The following NOL4 variants were observed in gnomAD, a reference collection of about 807,000 sequenced individuals.
NOL4 encodes cancer/testis antigen 125.
A neutral mutation model predicts 75.9 loss-of-function variants in NOL4; 17 were observed. The observed-to-expected ratio is 0.22, with a 90% CI of 0.15 to 0.34. The LOEUF (loss-of-function observed/expected upper bound fraction) is 0.34, where lower values mean the gene tolerates loss of function less well. Among genes scored for constraint, NOL4 ranks in the 10% least tolerant of loss-of-function variants. The pLI is 1.00. For missense variants in NOL4, 614 were observed against 793.5 expected (o/e 0.77, Z 2.72); for synonymous variants, 292 against 289.9 (o/e 1.01, Z -0.07).
rs566113487 is a variant in NOL4, at chr18:34,020,055, C to T, written c.773-454G>A. Among the ~76,000 whole-genome samples the T allele has an allele frequency of 2.6e-5, 4 of 152,160 alleles. No individual in the cohort carries two copies. In the South Asian group the frequency reaches 6.2e-4, roughly 24 times the overall value. Reference sequence around the variant, plus strand: ...CTACATCTTCCACCATGATTATAAGCTTCCAGAAGCCCTCACCAGGAGTAG... The same window carrying T: ...CTACATCTTCCACCATGATTATAAGTTTCCAGAAGCCCTCACCAGGAGTAG... On this transcript the variant is annotated intron_variant, in intron 5 of 10. Coordinates refer to ENST00000261592, the MANE Select transcript of NOL4 (RefSeq NM_003787.5).
At chr18:34,206,319 T>C (rs2036119768) in intron 1 of NOL4, among the ~76,000 whole-genome samples, 2 of 152,276 alleles carry the variant, frequency 1.3e-5, no homozygotes, top group South Asian at 2.1e-4. Context: ...AAATAATGTA[T>C]AGAATAAGAG....
At chr18:33,987,376 G>A (rs962456038) in intron 6 of NOL4, among the ~76,000 whole-genome samples, 8 of 152,052 alleles carry the variant, frequency 5.3e-5, no homozygotes, top group Non-Finnish European at 1.0e-4. Flanking sequence ...TGACTGGAAA[G>A]CATTCACTAA....
At chr18:33,970,531 C>G (rs1189922552) in intron 6 of NOL4, among the ~76,000 whole-genome samples, 1 of 152,004 alleles carries the variant, frequency 6.6e-6, no homozygotes, top group Non-Finnish European at 1.5e-5. Flanking sequence ...AAGAAATACA[C>G]AAAATTATTA....
rs557104907 is a variant in NOL4, at chr18:33,853,453, T to A, written c.1724-418A>T. ...TCTTAGACCGCATCAATTTGCAATT[T>A]AAAAAAACTGTGATGCTAATGACTT... On this transcript the variant is annotated intron_variant, in intron 10 of 10. Transcript: ENST00000261592. Among the ~76,000 whole-genome samples, 48 of 152,206 alleles carry A rather than the reference T, an allele frequency of 3.2e-4. 2 individuals are homozygous for A. Among genetic ancestry groups the A allele is most frequent in the African/African-American group, 1.2e-3 (48 of 41,536 alleles).
intron 5 of NOL4, among the ~76,000 whole-genome samples, chr18:34,089,447 A>G (rs2078402099): frequency 6.6e-6 from 1 of 152,198 alleles, no homozygotes; most frequent in South Asian, 2.1e-4. Flanking sequence ...AAATAAAATA[A>G]TGATCTATAT....
chr18:34,157,324 T>C (rs1236232317), intron 1 of NOL4: 1 of 152,152 alleles, frequency 6.6e-6, no homozygotes, highest in African/African-American at 2.4e-5. Flanking sequence ...TATACCTCAA[T>C]AAATGGCCCT....
chr18:33,948,006 A>G (rs1050388259), intron 8 of NOL4, among the ~76,000 whole-genome samples: 1 of 151,950 alleles, frequency 6.6e-6, no homozygotes, highest in Non-Finnish European at 1.5e-5. Context: ...AAAACTATAC[A>G]TGAAATAACT....
At position 34,222,100 on chromosome 18, in the gene NOL4, A is replaced by C. The variant is rs747495227; in HGVS notation, c.264+890T>G. On this transcript the variant is annotated intron_variant, in intron 1 of 10. Coordinates refer to ENST00000261592, the MANE Select transcript of NOL4 (RefSeq NM_003787.5). ...CACAGTTCCCATCTTCTTGTGAAGA[A>C]AATCGACGCTGCTGCGGCTCCCCAG... The C allele has an allele frequency of 8.5e-6, 13 of 1,534,726 alleles. No homozygotes were observed. The South Asian group carries it at 1.6e-4, about 18-fold the overall frequency.
chr18:34,006,617 T>G (rs900108231), intron 6 of NOL4, among the ~76,000 whole-genome samples: 1 of 152,022 alleles, frequency 6.6e-6, no homozygotes. Flanking sequence ...AAAGCTACCA[T>G]CCATGAACCT....
At chr18:34,210,708 C>T (rs1247862504) in intron 1 of NOL4, among the ~76,000 whole-genome samples, 1 of 152,126 alleles carries the variant, frequency 6.6e-6, no homozygotes, top group Non-Finnish European at 1.5e-5. Context: ...GTGTTATAGC[C>T]ATTCTGTCAC....
chr18:34,198,624 T>A lies in NOL4; in HGVS notation c.264+24366A>T, dbSNP rs147656310. On this transcript the variant is annotated intron_variant, in intron 1 of 10. Coordinates refer to ENST00000261592, the MANE Select transcript of NOL4 (RefSeq NM_003787.5). ...ATGCAACTTTAAAAAAAATTGCATA[T>A]TCTTGGGAACAATGTGGATGCTGTC... Among the ~76,000 whole-genome samples the A allele has an allele frequency of 4.3e-3, 659 of 151,972 alleles. 3 individuals carry two copies. Among genetic ancestry groups the A allele is most frequent in the African/African-American group, 0.015 (622 of 41,546 alleles).
intron 2 of NOL4, among the ~76,000 whole-genome samples, chr18:34,116,355 G>C (rs2079857854): frequency 6.6e-6 from 1 of 152,052 alleles, no homozygotes; most frequent in South Asian, 2.1e-4. Flanking sequence ...AAATATACTT[G>C]TCTACTTGCC....
intron 5 of NOL4, among the ~76,000 whole-genome samples, chr18:34,021,233 G>A (rs1158206335): frequency 1.3e-5 from 2 of 152,154 alleles, no homozygotes; most frequent in African/African-American, 4.8e-5. Context: ...AGAGCAAGAA[G>A]GCTGTGATCT....
intron 1 of NOL4, among the ~76,000 whole-genome samples, chr18:34,209,841 G>C (rs1020527137): frequency 6.6e-6 from 1 of 152,150 alleles, no homozygotes; most frequent in Non-Finnish European, 1.5e-5. Flanking sequence ...ATAATGGCAA[G>C]TATTTAAGGG....
intron 5 of NOL4, among the ~76,000 whole-genome samples, chr18:34,034,014 A>G (rs540710868): frequency 6.6e-6 from 1 of 152,336 alleles, no homozygotes; most frequent in East Asian, 1.9e-4. Context: ...ATTCATTAGC[A>G]CTAGACTCTC....
At chr18:34,213,365 C>T (rs2036644629) in intron 1 of NOL4, among the ~76,000 whole-genome samples, 1 of 152,200 alleles carries the variant, frequency 6.6e-6, no homozygotes, top group South Asian at 2.1e-4. Flanking sequence ...TCTTGGCTCA[C>T]TGCAACCTCC....
At chr18:33,967,098 A>G (rs902491044) in intron 6 of NOL4, among the ~76,000 whole-genome samples, 6 of 152,218 alleles carry the variant, frequency 3.9e-5, no homozygotes, top group Non-Finnish European at 5.9e-5. Context: ...TACGATAACG[A>G]AAACAGGATG....
intron 5 of NOL4, among the ~76,000 whole-genome samples, chr18:34,081,616 CAT>C (rs1404674503): frequency 6.6e-6 from 1 of 152,120 alleles, no homozygotes; most frequent in Non-Finnish European, 1.5e-5. Context: ...TCACTATTGA[CAT>C]GAGTGGATGG....
intron 2 of NOL4, among the ~76,000 whole-genome samples, chr18:34,126,299 A>G (rs1188490474): frequency 1.3e-5 from 2 of 152,190 alleles, no homozygotes; most frequent in Non-Finnish European, 2.9e-5. Flanking sequence ...AATGAGTGTT[A>G]GATTTGAAAT....
Sources: gnomAD v4.1 joint callset for allele counts (sites outside exome capture counted in the v4.1 genomes callset) on GRCh38, gnomAD v4.1.1 for gene constraint, MANE v1.5 for transcripts, NCBI Gene and HGNC (gene_info 2026-07-23, HGNC 2026-07-21) for gene names.